Variants in FRMPD2 observed in about 807,000 individuals in gnomAD.
The protein encoded by FRMPD2 is FERM and PDZ domain-containing protein 2.
A neutral mutation model predicts 140.1 loss-of-function variants in FRMPD2; 96 were observed. That is an observed-to-expected ratio of 0.69 (90% CI 0.58 to 0.81). The LOEUF (loss-of-function observed/expected upper bound fraction) is 0.81, where lower values mean the gene tolerates loss of function less well. Ranked by LOEUF, FRMPD2 falls within the 40% of genes least tolerant of loss-of-function variation. The pLI, the probability that FRMPD2 is intolerant of heterozygous loss-of-function variation, is 0.00. For synonymous variants in FRMPD2, 449 were observed against 547.6 expected (o/e 0.82, Z 2.52); for missense variants, 1,240 against 1,447.4 (o/e 0.86, Z 2.32).
chr10:48,198,576 A>G (rs920053827), intron 15 of FRMPD2, among the ~76,000 whole-genome samples: 4 of 152,220 alleles, frequency 2.6e-5, no homozygotes, highest in African/African-American at 9.6e-5. Context: ...TAGGTCCCAT[A>G]TGAATTTTAG....
chr10:48,162,983 G>A lies in FRMPD2; in HGVS notation c.3881+345C>T, dbSNP rs1390957574. The stretch of plus-strand genomic sequence containing the variant: ...AGCATTATACTAGCAATAGAAACGA[G>A]GATGCATGTAGGAACTTCCTTCTTA... On this transcript the variant is annotated intron_variant, in intron 28 of 28. Transcript: ENST00000374201. 6.8e-5 allele frequency among the ~76,000 whole-genome samples: 10 copies of A among 147,946 alleles called. 1 individual carries two copies. The highest frequency in any genetic ancestry group is 2.5e-4 in the African/African-American group (10 of 39,336).
In FRMPD2 at chr10:48,215,391, G is replaced by A. The variant is rs148593919; in HGVS notation, c.1456-3282C>T. On this transcript the variant is annotated intron_variant, in intron 12 of 28. Coordinates refer to ENST00000374201, the MANE Select transcript of FRMPD2 (RefSeq NM_001018071.4). ...TTTGAAGTGTCCATTGCAGCACCTG[G>A]CATATAGCAAAGCAATGTGAAGTGA... Among the ~76,000 whole-genome samples the A allele has an allele frequency of 7.7e-4, 117 of 152,268 alleles. 1 individual carries two copies. The East Asian group carries it at 0.02, about 26-fold the overall frequency.
intron 10 of FRMPD2, among the ~76,000 whole-genome samples, 173 bp downstream of exon 10, chr10:48,231,942 A>G (rs1305259068): frequency 6.6e-6 from 1 of 152,192 alleles, no homozygotes; most frequent in Admixed American, 6.5e-5. Context: ...CACTTGCTTG[A>G]TGCTTTATCC....
At chr10:48,185,685 C>A (rs1389881276) in intron 17 of FRMPD2, 40 bp from the exon 18 acceptor site, 3 of 1,505,208 alleles carry the variant, frequency 2.0e-6, no homozygotes, top group African/African-American at 2.7e-5. Context: ...GCTTTTCCCC[C>A]AAATTATTTG....
At chr10:48,273,711 C>T (rs1048622069) in intron 1 of FRMPD2, among the ~76,000 whole-genome samples, 10 of 152,144 alleles carry the variant, frequency 6.6e-5, no homozygotes, top group African/African-American at 2.4e-4. Context: ...CCTGGAAGAT[C>T]CTCTGGGCTG....
intron 13 of FRMPD2, 46 bp downstream of exon 13, chr10:48,211,908 A>G (rs1839330925): frequency 6.3e-7 from 1 of 1,586,402 alleles, no homozygotes; most frequent in Non-Finnish European, 8.6e-7. Flanking sequence ...TGCTGGCTGC[A>G]TTCCCTTGAA....
At chr10:48,250,214 T>C (rs919487867) in intron 2 of FRMPD2, among the ~76,000 whole-genome samples, 1 of 152,136 alleles carries the variant, frequency 6.6e-6, no homozygotes, top group Admixed American at 6.5e-5. Context: ...CGGTGGCTAT[T>C]GCCTGGGCCA....
At chr10:48,193,749 GTA>G (rs1027919419) in intron 15 of FRMPD2, among the ~76,000 whole-genome samples, 1 of 152,158 alleles carries the variant, frequency 6.6e-6, no homozygotes, top group African/African-American at 2.4e-5. Flanking sequence ...CTCTGTGTGT[GTA>G]TGTGTGTGTG....
At chr10:48,229,167 T>C (rs775783739) in intron 10 of FRMPD2, among the ~76,000 whole-genome samples, 5 of 152,080 alleles carry the variant, frequency 3.3e-5, no homozygotes, top group Admixed American at 6.6e-5. Flanking sequence ...AAAACAAAAA[T>C]TTTGTGTTTT....
At chr10:48,246,842 A>T (rs1467034724) in intron 3 of FRMPD2, among the ~76,000 whole-genome samples, 1 of 152,356 alleles carries the variant, frequency 6.6e-6, no homozygotes, top group South Asian at 2.1e-4. Flanking sequence ...GGAAAAGAAC[A>T]GTGATGAACA....
chr10:48,249,846 GC>G (rs1840333920), intron 2 of FRMPD2, among the ~76,000 whole-genome samples: 1 of 147,904 alleles, frequency 6.8e-6, no homozygotes, highest in African/African-American at 2.7e-5. Context: ...TCATTAGAGG[GC>G]TCTGAAGAGA....
chr10:48,193,619 T>A (rs928195290), intron 15 of FRMPD2, among the ~76,000 whole-genome samples: 1 of 152,200 alleles, frequency 6.6e-6, no homozygotes, highest in African/African-American at 2.4e-5. Context: ...AGGCTTTACA[T>A]AAAGCCAAGT....
intron 14 of FRMPD2, among the ~76,000 whole-genome samples, chr10:48,205,004 T>C (rs1277727733): frequency 6.6e-6 from 1 of 152,234 alleles, no homozygotes; most frequent in East Asian, 1.9e-4. Flanking sequence ...GATCTGTAAT[T>C]GTTTGAAGAC....
chr10:48,249,425 A>C (rs1464083808), intron 2 of FRMPD2, among the ~76,000 whole-genome samples: 1 of 152,196 alleles, frequency 6.6e-6, no homozygotes, highest in Non-Finnish European at 1.5e-5. Context: ...CAAGAGTCTC[A>C]AGGTAAAAGG....
chr10:48,181,558 C>G (rs1554792663), intron 20 of FRMPD2, among the ~76,000 whole-genome samples: 2 of 152,068 alleles, frequency 1.3e-5, no homozygotes, highest in African/African-American at 2.4e-5. Context: ...TGGTAATAAC[C>G]AAACTGCAGG....
At chr10:48,198,044 T>C (rs1002099599) in intron 15 of FRMPD2, among the ~76,000 whole-genome samples, 6 of 152,336 alleles carry the variant, frequency 3.9e-5, no homozygotes, top group African/African-American at 9.6e-5. Context: ...AAATTAGTAA[T>C]AACAATAGTA....
At chr10:48,209,588 T>C (rs1839273441) in intron 13 of FRMPD2, among the ~76,000 whole-genome samples, 1 of 152,208 alleles carries the variant, frequency 6.6e-6, no homozygotes, top group Non-Finnish European at 1.5e-5. Context: ...GCTTGTAGAA[T>C]AGTAACTGGG....
At chr10:48,262,028 G>A (rs958378058) in intron 1 of FRMPD2, among the ~76,000 whole-genome samples, 6 of 151,950 alleles carry the variant, frequency 3.9e-5, no homozygotes, top group African/African-American at 9.7e-5. Context: ...AGAAAAACAC[G>A]GGAAGATCTT....
chr10:48,167,744 T>G (rs1167027266), intron 27 of FRMPD2, among the ~76,000 whole-genome samples: 1 of 152,172 alleles, frequency 6.6e-6, no homozygotes, highest in African/African-American at 2.4e-5. Context: ...ACATACCATC[T>G]AGATGTCACT....
Sources: gnomAD v4.1 joint callset for allele counts (sites outside exome capture counted in the v4.1 genomes callset) on GRCh38, gnomAD v4.1.1 for gene constraint, MANE v1.5 for transcripts, NCBI Gene and HGNC (gene_info 2026-07-23, HGNC 2026-07-21) for gene names.